Variants in DHDDS observed in about 807,000 individuals in gnomAD.
The protein encoded by DHDDS is dehydrodolichyl diphosphate synthase subunit, also known as dehydrodolichyl diphosphate synthase complex subunit DHDDS.
In DHDDS, 16 loss-of-function variants were observed where a neutral mutation model predicts 46.2. The ratio of observed to expected loss-of-function variants is 0.35; its 90% confidence interval spans 0.23 to 0.53. The LOEUF (loss-of-function observed/expected upper bound fraction) is 0.53, where lower values mean the gene tolerates loss of function less well. Among genes scored for constraint, DHDDS ranks in the 20% least tolerant of loss-of-function variants. The pLI, the probability that DHDDS is intolerant of heterozygous loss-of-function variation, is 0.94. For missense variants in DHDDS, 340 were observed against 423.7 expected, an observed-to-expected ratio of 0.80 and a Z score of 1.73; for synonymous variants, 151 against 163.1, an observed-to-expected ratio of 0.93 and a Z score of 0.56.
intron 3 of DHDDS, among the ~76,000 whole-genome samples, chr1:26,440,942 T>G (rs2124392184): frequency 6.6e-6 from 1 of 151,828 alleles, no homozygotes; most frequent in East Asian, 1.9e-4. Context: ...TTTTTTTTTT[T>G]GAGACGGAGT....
intron 8 of DHDDS, among the ~76,000 whole-genome samples, chr1:26,465,502 T>C (rs568111527): frequency 6.6e-6 from 1 of 152,354 alleles, no homozygotes; most frequent in African/African-American, 2.4e-5. Flanking sequence ...TGGCACTGCC[T>C]ACATAGCTAT....
intron 6 of DHDDS, chr1:26,454,926 C>T (rs2075356707): frequency 6.2e-7 from 1 of 1,602,092 alleles, no homozygotes; most frequent in Admixed American, 1.7e-5. Flanking sequence ...AAAAATTCAG[C>T]ACTCTTTTTG....
rs1356491847 is a variant in DHDDS, at chr1:26,454,877, A to G, written c.543-2914A>G. 13 of 1,593,612 alleles carry G rather than the reference A, an allele frequency of 8.2e-6. No individual in the cohort carries two copies. The South Asian group carries it at 1.1e-4, about 14-fold the overall frequency. On this transcript the variant is annotated intron_variant, in intron 6 of 8. Transcript: ENST00000236342. ...CAGAGAATCTACATTTAAACCCTTA[A>G]GTTCAGCATTACTCTCTGCATTTTT...
In DHDDS at chr1:26,451,404, ATGTGTGTGTGTGTG is replaced by A. The variant is rs35376620; in HGVS notation, c.542+3778_542+3791del. 1.9e-3 allele frequency among the ~76,000 whole-genome samples: 255 copies of A among 136,034 alleles called. 1 individual carries two copies. Among genetic ancestry groups the A allele is most frequent in the South Asian group, 4.0e-3 (17 of 4,252 alleles). The allele number at this position is 136,034 out of a possible 152,430, so 89.2% of individuals were successfully genotyped here. ...TCTTTCTTCCAGGGTATGTATGTAG[ATGTGTGTGTGTGTG>A]TGTGTGTGTGTGTGTGTGTGTGTGT... On this transcript the variant is annotated intron_variant, in intron 6 of 8. Transcript: ENST00000236342.
chr1:26,440,362 C>T (rs2075206277), intron 3 of DHDDS, among the ~76,000 whole-genome samples: 1 of 152,190 alleles, frequency 6.6e-6, no homozygotes, highest in Non-Finnish European at 1.5e-5. Context: ...GGAGCTTGAG[C>T]TCTGGAGTCA....
At chr1:26,467,335 C>T (rs1175287899) in intron 8 of DHDDS, 1 of 471,598 alleles carries the variant, frequency 2.1e-6, no homozygotes, top group Non-Finnish European at 4.4e-6. Flanking sequence ...GAAGCCCTTC[C>T]AGCAAGACGG....
intron 3 of DHDDS, among the ~76,000 whole-genome samples, chr1:26,441,270 C>T (rs1486691754): frequency 6.8e-6 from 1 of 147,944 alleles, no homozygotes; most frequent in Non-Finnish European, 1.5e-5. Flanking sequence ...GGCTGGAGTG[C>T]AGTGGTGAGA....
chr1:26,457,113 A>G (rs2075376663), intron 6 of DHDDS, among the ~76,000 whole-genome samples: 1 of 152,090 alleles, frequency 6.6e-6, no homozygotes, highest in South Asian at 2.1e-4. Context: ...CTTTCAGCAA[A>G]TTATTCATCT....
chr1:26,458,457 G>A (rs1037705878), intron 7 of DHDDS, among the ~76,000 whole-genome samples: 3 of 152,188 alleles, frequency 2.0e-5, no homozygotes, highest in Admixed American at 6.5e-5. Flanking sequence ...GTGAGCTAAC[G>A]CAGGGCGTGG....
In DHDDS at chr1:26,458,352, A is replaced by G. The variant is rs147107171; in HGVS notation, c.657+447A>G. ...TGTTAACTTGGTCCCTGGAGAGCAC[A>G]TAACTAGGGGAAGTCCTTGTTCTGG... On this transcript the variant is annotated intron_variant, in intron 7 of 8. Coordinates refer to ENST00000236342, the MANE Select transcript of DHDDS (RefSeq NM_205861.3). Among the ~76,000 whole-genome samples the G allele has an allele frequency of 4.2e-3, 638 of 152,390 alleles. 2 individuals are homozygous for G. The highest frequency in any genetic ancestry group is 0.015 in the African/African-American group (604 of 41,594).
rs751403243 is a variant in DHDDS, at chr1:26,442,838, G to A, written c.288G>A (p.Leu96=). 1 of 1,614,142 alleles carries A rather than the reference G, an allele frequency of 6.2e-7. No homozygotes were observed. The highest frequency in any genetic ancestry group is 1.3e-5 in the African/African-American group (1 of 75,020). The change falls in exon 4 of 9, where the codon CTG becomes CTA. Residue 96 remains leucine, a synonymous_variant. Coordinates refer to ENST00000236342, the MANE Select transcript of DHDDS (RefSeq NM_205861.3). The stretch of plus-strand genomic sequence containing the variant: ...GTGAGGTAGACGGGCTTATGGATCT[G>A]GCCCGGCAGAAGTTCAGCCGCTTGA... The part of the protein sequence containing the change: ...SKSEVDGLMD[L]ARQKFSRLME...
chr1:26,436,476 T>A (rs1570329880), intron 2 of DHDDS, among the ~76,000 whole-genome samples: 1 of 152,024 alleles, frequency 6.6e-6, no homozygotes, highest in Admixed American at 6.5e-5. Context: ...CAGGCTGGAG[T>A]GCAGTGGCGC....
rs765633925 is a variant in DHDDS at position 26,469,141 on chromosome 1, G to A, written c.*10G>A. 46 of 1,610,112 alleles carry A rather than the reference G, an allele frequency of 2.9e-5. No homozygotes were observed. The highest frequency in any genetic ancestry group is 1.0e-4 in the Admixed American group (6 of 59,996). On this transcript the variant is annotated 3_prime_UTR_variant, in exon 9 of 9. Coordinates refer to ENST00000236342, the MANE Select transcript of DHDDS (RefSeq NM_205861.3). ...CACTGCATCAGCCTGAATGAGGCTG[G>A]CCACCTGCCACTTTGCCCTGCCCTC...
intron 4 of DHDDS, 76 bp downstream of exon 4, chr1:26,442,949 C>T: frequency 1.9e-6 from 3 of 1,608,800 alleles, no homozygotes; most frequent in Non-Finnish European, 2.5e-6. Context: ...ATTCTGTTAT[C>T]TGAGGCTTAC....
At chr1:26,455,715 C>T (rs2075364756) in intron 6 of DHDDS, among the ~76,000 whole-genome samples, 1 of 152,136 alleles carries the variant, frequency 6.6e-6, no homozygotes, top group Non-Finnish European at 1.5e-5. Context: ...CACTGCACTC[C>T]AGCCTGGGTG....
intron 6 of DHDDS, among the ~76,000 whole-genome samples, chr1:26,451,802 T>A (rs2075324057): frequency 6.6e-6 from 1 of 152,008 alleles, no homozygotes; most frequent in African/African-American, 2.4e-5. Flanking sequence ...CTAATTTTTT[T>A]ATATTTTTAG....
chr1:26,443,676 C>CA (rs1285575634), intron 4 of DHDDS, among the ~76,000 whole-genome samples: 2 of 152,212 alleles, frequency 1.3e-5, no homozygotes, highest in East Asian at 3.9e-4. Flanking sequence ...GAGCCTAGAA[C>CA]AATGGGTGGT....
At chr1:26,467,218 C>T (rs767021037) in intron 8 of DHDDS, 2 of 422,646 alleles carry the variant, frequency 4.7e-6, no homozygotes, top group Non-Finnish European at 1.0e-5. Context: ...GCTGTACAAT[C>T]AGCCTGTAAG....
chr1:26,437,741 G>T (rs2075174757), intron 2 of DHDDS, among the ~76,000 whole-genome samples: 1 of 151,478 alleles, frequency 6.6e-6, no homozygotes, highest in Admixed American at 6.6e-5. Context: ...CTCCCAAAGT[G>T]CTGGGATTAC....
Sources: gnomAD v4.1 joint callset for allele counts (sites outside exome capture counted in the v4.1 genomes callset) on GRCh38, gnomAD v4.1.1 for gene constraint, MANE v1.5 for transcripts, NCBI Gene and HGNC (gene_info 2026-07-23, HGNC 2026-07-21) for gene names.